Variants in DOCK3 observed in about 807,000 individuals in gnomAD.
DOCK3 encodes dedicator of cytokinesis 3.
A neutral mutation model predicts 265.6 loss-of-function variants in DOCK3; 60 were observed. The ratio of observed to expected loss-of-function variants is 0.23; its 90% CI spans 0.18 to 0.28. The LOEUF (loss-of-function observed/expected upper bound fraction) is 0.28, where lower values mean the gene tolerates loss of function less well. Among genes scored for constraint, DOCK3 ranks in the 10% least tolerant of loss-of-function variants. The pLI is 1.00. For synonymous variants in DOCK3, 881 were observed against 938.0 expected (o/e 0.94, Z 1.11); for missense variants, 1,981 against 2,594.3 (o/e 0.76, Z 5.14).
chr3:51,166,504 T>C, intron 12 of DOCK3, among the ~76,000 whole-genome samples: 1 of 152,258 alleles, frequency 6.6e-6, no homozygotes, highest in East Asian at 1.9e-4. Context: ...GATTGCTGGA[T>C]CAAATAGTTG....
chr3:51,007,911 T>C (rs1045497084), intron 5 of DOCK3, among the ~76,000 whole-genome samples: 10 of 152,356 alleles, frequency 6.6e-5, no homozygotes, highest in Middle Eastern at 3.4e-3. Context: ...TGGTCAGGTT[T>C]GTCAAAGATC....
chr3:51,298,530 C>T (rs1027117164), intron 27 of DOCK3, among the ~76,000 whole-genome samples: 3 of 152,018 alleles, frequency 2.0e-5, no homozygotes, highest in African/African-American at 2.4e-5. Flanking sequence ...AAGCCCAGCA[C>T]GCATTAGCTA....
chr3:51,377,478 C>G (rs1450361268), intron 51 of DOCK3, among the ~76,000 whole-genome samples: 3 of 152,182 alleles, frequency 2.0e-5, no homozygotes, highest in African/African-American at 7.2e-5. Flanking sequence ...ATCAGGTGAG[C>G]CTGCCTTCAG....
intron 3 of DOCK3, among the ~76,000 whole-genome samples, chr3:50,881,472 G>A (rs1019788767): frequency 2.6e-5 from 4 of 152,122 alleles, no homozygotes; most frequent in Admixed American, 2.0e-4. Context: ...CTGTACACCA[G>A]TAACAGACAG....
At chr3:51,336,536 T>C (rs2084890879) in intron 35 of DOCK3, among the ~76,000 whole-genome samples, 1 of 152,224 alleles carries the variant, frequency 6.6e-6, no homozygotes, top group Non-Finnish European at 1.5e-5. Context: ...GTGAGCCGGA[T>C]GCTTCAGAAG....
chr3:51,186,926 A>G (rs1354058145), intron 12 of DOCK3, among the ~76,000 whole-genome samples: 1 of 152,240 alleles, frequency 6.6e-6, no homozygotes, highest in Non-Finnish European at 1.5e-5. Flanking sequence ...CAGGGCTCTC[A>G]TGGAGAACCT....
chr3:51,195,016 G>T (rs146738662), intron 12 of DOCK3, among the ~76,000 whole-genome samples: 1 of 151,718 alleles, frequency 6.6e-6, no homozygotes, highest in African/African-American at 2.4e-5. Flanking sequence ...TAGTAGAGAC[G>T]GGGTTTCACC....
chr3:50,716,247 G>A (rs967146784), intron 1 of DOCK3, among the ~76,000 whole-genome samples: 2 of 151,998 alleles, frequency 1.3e-5, no homozygotes, highest in Non-Finnish European at 2.9e-5. Flanking sequence ...GGTGTAGTTG[G>A]CCAGGCGTGG....
intron 1 of DOCK3, among the ~76,000 whole-genome samples, chr3:50,740,710 A>G (rs1190025289): frequency 6.6e-6 from 1 of 152,012 alleles, no homozygotes; most frequent in South Asian, 2.1e-4. Context: ...TTGGGTTTTT[A>G]AAGTTGTTGT....
At chr3:51,016,562 A>G (rs1415830356) in intron 5 of DOCK3, among the ~76,000 whole-genome samples, 5 of 81,960 alleles carry the variant, frequency 6.1e-5, no homozygotes, top group Non-Finnish European at 2.1e-5. Context: ...TATATCATAT[A>G]TTATATATAT....
chr3:50,864,832 G>A (rs1030623575), intron 3 of DOCK3, among the ~76,000 whole-genome samples: 4 of 151,720 alleles, frequency 2.6e-5, no homozygotes, highest in Non-Finnish European at 5.9e-5. Flanking sequence ...TGCTGTTTTG[G>A]TTACTATAGC....
At chr3:51,174,024 G>C (rs1414187925) in intron 12 of DOCK3, among the ~76,000 whole-genome samples, 5 of 152,104 alleles carry the variant, frequency 3.3e-5, no homozygotes, top group Non-Finnish European at 7.4e-5. Flanking sequence ...CAAATGACCT[G>C]TCTTTGAGTT....
intron 20 of DOCK3, among the ~76,000 whole-genome samples, chr3:51,237,177 C>T (rs2108479314): frequency 6.6e-6 from 1 of 152,272 alleles, no homozygotes; most frequent in Non-Finnish European, 1.5e-5. Flanking sequence ...TTTATGCCAT[C>T]TACACGCATA....
intron 5 of DOCK3, among the ~76,000 whole-genome samples, chr3:51,028,869 T>A (rs1197420623): frequency 6.6e-6 from 1 of 152,196 alleles, no homozygotes; most frequent in Admixed American, 6.5e-5. Context: ...TCTCATTGTG[T>A]TTTCTTGCCA....
At chr3:51,248,805 C>T (rs1022137530) in intron 22 of DOCK3, among the ~76,000 whole-genome samples, 7 of 149,368 alleles carry the variant, frequency 4.7e-5, no homozygotes, top group African/African-American at 7.4e-5. Flanking sequence ...TTTGCCCGGC[C>T]GCCCATCGTC....
At chr3:51,100,813 G>C (rs75625855) in intron 9 of DOCK3, among the ~76,000 whole-genome samples, 1 of 130,516 alleles carries the variant, frequency 7.7e-6, no homozygotes, top group South Asian at 2.3e-4. Flanking sequence ...TTTTTTTTTT[G>C]AGATAGGATC....
At chr3:51,311,305 CCA>C (rs1227395724) in intron 28 of DOCK3, among the ~76,000 whole-genome samples, 1 of 152,154 alleles carries the variant, frequency 6.6e-6, no homozygotes, top group Non-Finnish European at 1.5e-5. Flanking sequence ...GCAGAGGTGG[CCA>C]CTGTTAGATG....
At chr3:51,125,855 C>T (rs1026738349) in intron 9 of DOCK3, among the ~76,000 whole-genome samples, 2 of 152,074 alleles carry the variant, frequency 1.3e-5, no homozygotes, top group Non-Finnish European at 2.9e-5. Context: ...AGTATCAATA[C>T]CAGTATAGGT....
intron 25 of DOCK3, among the ~76,000 whole-genome samples, chr3:51,275,989 A>G (rs911470487): frequency 4.6e-5 from 7 of 152,238 alleles, no homozygotes; most frequent in Admixed American, 4.6e-4. Context: ...TAGAACAAAA[A>G]TGGATTTTTA....
Sources: allele counts gnomAD v4.1 joint callset (sites outside exome capture counted in the v4.1 genomes callset), GRCh38; gene constraint gnomAD v4.1.1; transcripts MANE v1.5; gene names NCBI Gene and HGNC (gene_info 2026-07-23, HGNC 2026-07-21).